TMCO4: variants seen among roughly 807,000 people sequenced by gnomAD.
The protein encoded by TMCO4 is transmembrane and coiled-coil domain-containing protein 4.
Under a neutral mutation model 64.7 loss-of-function variants are expected in TMCO4, and 58 were observed. The ratio of observed to expected loss-of-function variants is 0.90; its 90% CI spans 0.73 to 1.12. TMCO4 has a LOEUF of 1.12. Ranked by LOEUF, TMCO4 falls within the 50% of genes most tolerant of loss-of-function variation. The probability of loss-of-function intolerance (pLI) is 0.00; values close to 1 mark genes in which losing one functional copy is unlikely to be tolerated. For synonymous variants in TMCO4, 325 were observed against 346.1 expected (o/e 0.94, Z 0.68); for missense variants, 780 against 825.9 (o/e 0.94, Z 0.68).
chr1:19,779,706 G>C (rs898522196), intron 4 of TMCO4, among the ~76,000 whole-genome samples: 23 of 152,292 alleles, frequency 1.5e-4, no homozygotes, highest in African/African-American at 4.6e-4. Context: ...GCTGGGCCTT[G>C]CTCGTCTTTG....
chr1:19,696,076 T>G (rs1482818517), intron 14 of TMCO4, among the ~76,000 whole-genome samples: 1 of 152,168 alleles, frequency 6.6e-6, no homozygotes, highest in East Asian at 1.9e-4. Flanking sequence ...TCACCTACCT[T>G]GAGCCACTGG....
chr1:19,787,900 C>T (rs1430908717), intron 2 of TMCO4, among the ~76,000 whole-genome samples: 1 of 152,144 alleles, frequency 6.6e-6, no homozygotes, highest in East Asian at 1.9e-4. Context: ...GGATTACAGG[C>T]ACGCACCACC....
chr1:19,724,704 T>C (rs2095401019), intron 13 of TMCO4, among the ~76,000 whole-genome samples: 1 of 152,182 alleles, frequency 6.6e-6, no homozygotes, highest in Admixed American at 6.5e-5. Context: ...CAGTAACTAG[T>C]GGAGTCTGGG....
intron 4 of TMCO4, among the ~76,000 whole-genome samples, chr1:19,776,920 A>G (rs2043232237): frequency 6.6e-6 from 1 of 151,472 alleles, no homozygotes; most frequent in African/African-American, 2.4e-5. Context: ...CCAGCTATTC[A>G]AGAAGCTGAG....
chr1:19,737,811 G>A (rs573138960), intron 12 of TMCO4, among the ~76,000 whole-genome samples: 5 of 152,366 alleles, frequency 3.3e-5, no homozygotes, highest in Admixed American at 6.5e-5. Context: ...TCTGCCTTGC[G>A]GCAAATGGCT....
intron 12 of TMCO4, among the ~76,000 whole-genome samples, chr1:19,737,790 C>T (rs2095462386): frequency 6.6e-6 from 1 of 152,268 alleles, no homozygotes; most frequent in African/African-American, 2.4e-5. Flanking sequence ...GAGCAACTTC[C>T]CTTGCACTGA....
At chr1:19,765,943 G>A (rs1264119758) in intron 6 of TMCO4, among the ~76,000 whole-genome samples, 1 of 152,186 alleles carries the variant, frequency 6.6e-6, no homozygotes, top group Non-Finnish European at 1.5e-5. Context: ...TCTGTAGAAG[G>A]AAGACATTCA....
chr1:19,760,272 A>G (rs1430326312), intron 6 of TMCO4, among the ~76,000 whole-genome samples: 1 of 152,026 alleles, frequency 6.6e-6, no homozygotes, highest in Non-Finnish European at 1.5e-5. Flanking sequence ...AGTAGCTGGG[A>G]CTACAGGCAC....
intron 2 of TMCO4, among the ~76,000 whole-genome samples, chr1:19,790,253 C>T (rs2043963589): frequency 6.6e-6 from 1 of 152,000 alleles, no homozygotes; most frequent in Non-Finnish European, 1.5e-5. Context: ...AGCACATAGG[C>T]ACAGGCACAG....
intron 6 of TMCO4, among the ~76,000 whole-genome samples, chr1:19,764,498 G>T (rs890296476): frequency 6.6e-6 from 1 of 152,224 alleles, no homozygotes. Context: ...TACACAGCAG[G>T]TGTCAGTTCT....
At chr1:19,789,185 T>C (rs908812133) in intron 2 of TMCO4, among the ~76,000 whole-genome samples, 3 of 151,902 alleles carry the variant, frequency 2.0e-5, no homozygotes, top group Admixed American at 2.0e-4. Context: ...GCAGTTCACC[T>C]GAGTTGAGAA....
chr1:19,716,884 G>A (rs1444037808), intron 13 of TMCO4, among the ~76,000 whole-genome samples: 2 of 152,158 alleles, frequency 1.3e-5, no homozygotes, highest in Non-Finnish European at 1.5e-5. Flanking sequence ...GAAGCTGAGC[G>A]GGTGAGAAAA....
intron 13 of TMCO4, 118 bp from the exon 14 acceptor site, chr1:19,701,003 C>A: frequency 1.3e-6 from 1 of 770,576 alleles, no homozygotes; most frequent in Non-Finnish European, 2.2e-6. Context: ...CACACGTGAA[C>A]GTGGACAATC....
At chr1:19,756,317 C>T (rs2042255485) in intron 6 of TMCO4, among the ~76,000 whole-genome samples, 1 of 152,114 alleles carries the variant, frequency 6.6e-6, no homozygotes, top group Non-Finnish European at 1.5e-5. Context: ...TAAAATTTCA[C>T]AGCTGTGAAG....
chr1:19,796,717 GGT>G (rs2044325676), intron 2 of TMCO4, among the ~76,000 whole-genome samples: 1 of 152,042 alleles, frequency 6.6e-6, no homozygotes, highest in African/African-American at 2.4e-5. Flanking sequence ...TGGGACTACA[GGT>G]GCATGCCACC....
intron 4 of TMCO4, among the ~76,000 whole-genome samples, chr1:19,774,170 G>T (rs953496802): frequency 2.6e-5 from 4 of 152,206 alleles, no homozygotes; most frequent in Non-Finnish European, 5.9e-5. Flanking sequence ...TTGGGGAGGG[G>T]ATGGCTAAGT....
At chr1:19,788,903 G>A (rs931548039) in intron 2 of TMCO4, among the ~76,000 whole-genome samples, 7 of 151,882 alleles carry the variant, frequency 4.6e-5, no homozygotes, top group South Asian at 4.2e-4. Context: ...GTGAAACCCC[G>A]TCTCTACTAA....
rs558843224 is a variant in TMCO4, at chr1:19,747,072, G to A, written c.613+91C>T. ...ATGCCAGGGGCCACCTCCCAGCTGAGCCCCTGCACTCTCCACTCTCACCCA... is the reference window on the plus strand; with the variant it reads ...ATGCCAGGGGCCACCTCCCAGCTGAACCCCTGCACTCTCCACTCTCACCCA... On this transcript the variant is annotated intron_variant, in intron 8 of 15. Transcript: ENST00000294543. 1.5e-3 allele frequency: 1,933 copies of A among 1,332,608 alleles called. 5 individuals are homozygous for A. Among genetic ancestry groups the A allele is most frequent in the Non-Finnish European group, 1.9e-3 (1,766 of 930,828 alleles). 82.5% of individuals were successfully genotyped at this position (1,332,608 alleles called of 1,614,324 possible). A position where few individuals can be genotyped will look rare whatever the true frequency, so the allele number is the denominator to read the frequency against.
chr1:19,773,336 C>G (rs889464025), intron 4 of TMCO4, among the ~76,000 whole-genome samples: 7 of 152,178 alleles, frequency 4.6e-5, no homozygotes, highest in Non-Finnish European at 8.8e-5. Flanking sequence ...CAGGGTTGGG[C>G]AGAGGAGGCA....
Sources: gnomAD v4.1 joint callset for allele counts (sites outside exome capture counted in the v4.1 genomes callset) on GRCh38, gnomAD v4.1.1 for gene constraint, MANE v1.5 for transcripts, NCBI Gene and HGNC (gene_info 2026-07-23, HGNC 2026-07-21) for gene names.